The following PPP2R3A variants were observed in gnomAD, a reference collection of about 807,000 sequenced individuals.
PPP2R3A encodes protein phosphatase 2 regulatory subunit B''alpha.
In PPP2R3A, 80 loss-of-function variants were observed where a neutral mutation model predicts 106.9. That is an observed-to-expected ratio of 0.75 (90% CI 0.62 to 0.90). PPP2R3A has a LOEUF of 0.90. Ranked by LOEUF, PPP2R3A falls within the 40% of genes least tolerant of loss-of-function variation. The probability of loss-of-function intolerance (pLI) is 0.00; values close to 1 mark genes in which losing one functional copy is unlikely to be tolerated. For synonymous variants in PPP2R3A, 483 were observed against 468.3 expected (o/e 1.03, Z -0.41); for missense variants, 1,386 against 1,350.4 (o/e 1.03, Z -0.41).
chr3:136,114,642 C>G (rs537081961), intron 13 of PPP2R3A, among the ~76,000 whole-genome samples: 1 of 152,264 alleles, frequency 6.6e-6, no homozygotes, highest in African/African-American at 2.4e-5. Flanking sequence ...TGTGGTTTTA[C>G]CCTCACAGTG....
rs747647935 is a variant in PPP2R3A at position 136,082,364 on chromosome 3, G to A, written c.2731G>A (p.Asp911Asn). 1 of 1,613,352 alleles carries A rather than the reference G, an allele frequency of 6.2e-7. No homozygotes were observed. Among genetic ancestry groups the A allele is most frequent in the South Asian group, 1.1e-5 (1 of 91,064 alleles). The stretch of plus-strand genomic sequence containing the variant: ...TATTTATTGTAAATTCTGGGAACTA[G>A]ATACTGATCACGACCTCTACATCAG... ...YVIYCKFWEL[D>N]TDHDLYISQA... Residue 911 changes from aspartate to asparagine, a missense_variant, in exon 8 of 14, where the codon GAT becomes AAT. Transcript: ENST00000264977.
At chr3:135,981,509 C>T (rs1190010491) in intron 1 of PPP2R3A, among the ~76,000 whole-genome samples, 1 of 151,748 alleles carries the variant, frequency 6.6e-6, no homozygotes, top group Non-Finnish European at 1.5e-5. Context: ...TAGTCCAGGT[C>T]TTGGCCAAGG....
intron 1 of PPP2R3A, among the ~76,000 whole-genome samples, chr3:135,982,958 C>T (rs1230238300): frequency 6.6e-6 from 1 of 152,136 alleles, no homozygotes; most frequent in Non-Finnish European, 1.5e-5. Flanking sequence ...ATTTGTCTTA[C>T]AGACAGATGA....
At chr3:136,023,245 T>C (rs766091329) in intron 2 of PPP2R3A, 133 of 1,546,946 alleles carry the variant, frequency 8.6e-5, no homozygotes, top group Admixed American at 5.2e-4. Context: ...TTGTTTTGTT[T>C]TGAAAATATT....
At chr3:136,140,453 A>AAAACAAAAC (rs1553761398) in intron 13 of PPP2R3A, among the ~76,000 whole-genome samples, 1 of 149,762 alleles carries the variant, frequency 6.7e-6, no homozygotes, top group African/African-American at 2.5e-5. Context: ...AAAAAAAAAA[A>AAAACAAAAC]AAAAAAAAAA....
chr3:136,055,724 C>G (rs1056855919), intron 5 of PPP2R3A: 7 of 716,398 alleles, frequency 9.8e-6, no homozygotes, highest in Non-Finnish European at 1.5e-5. Context: ...AGAGAAATAC[C>G]ACTACTTGGG....
intron 2 of PPP2R3A, among the ~76,000 whole-genome samples, chr3:136,018,757 T>C (rs1385371535): frequency 6.6e-6 from 1 of 152,168 alleles, no homozygotes; most frequent in Admixed American, 6.5e-5. Context: ...AAAAAAAATA[T>C]TTAGTTTTTA....
At chr3:136,097,683 A>G (rs1937247680) in intron 10 of PPP2R3A, among the ~76,000 whole-genome samples, 1 of 152,216 alleles carries the variant, frequency 6.6e-6, no homozygotes, top group Non-Finnish European at 1.5e-5. Flanking sequence ...CTTGGTCAAA[A>G]TCAAGATTTA....
At chr3:135,986,388 T>A (rs997843421) in intron 1 of PPP2R3A, among the ~76,000 whole-genome samples, 4 of 152,154 alleles carry the variant, frequency 2.6e-5, no homozygotes, top group African/African-American at 9.7e-5. Context: ...CTTGCCTGGC[T>A]AACCCACAGA....
chr3:136,103,453 T>C (rs2107968878), intron 12 of PPP2R3A, 77 bp downstream of exon 12: 2 of 997,866 alleles, frequency 2.0e-6, no homozygotes. Context: ...ACATGGTCTC[T>C]GCATGCTGGA....
chr3:136,104,371 A>G (rs1011997569), intron 12 of PPP2R3A, among the ~76,000 whole-genome samples: 11 of 150,824 alleles, frequency 7.3e-5, no homozygotes, highest in African/African-American at 2.7e-4. Context: ...CAATGGTGTG[A>G]TCTCGGCTCA....
rs1241308285 is a variant in PPP2R3A at position 136,001,748 on chromosome 3, G to A, written c.250G>A (p.Gly84Arg). 3 of 1,614,004 alleles carry A rather than the reference G, an allele frequency of 1.9e-6. No individual in the cohort carries two copies. Among genetic ancestry groups the A allele is most frequent in the Non-Finnish European group, 2.5e-6 (3 of 1,180,036 alleles). ...TGAAAATGGGCTTTCTTCGGCTGAA[G>A]GAGACTATCCCCAACAGGCCTTCAC... ...PHENGLSSAE[G>R]DYPQQAFTGI... The change falls in exon 2 of 14, where the codon GGA becomes AGA. Residue 84 changes from glycine (G) to arginine (R), a missense_variant. Physicochemically the swap from Gly to Arg is moderately radical, Grantham distance 125. Transcript: ENST00000264977.
intron 2 of PPP2R3A, chr3:136,023,145 G>A: frequency 6.2e-7 from 1 of 1,613,552 alleles, no homozygotes; most frequent in Non-Finnish European, 8.5e-7. Flanking sequence ...AAGGGGCTGT[G>A]ATTTTGTTCT....
chr3:136,077,214 G>A (rs1479285707), intron 6 of PPP2R3A, among the ~76,000 whole-genome samples: 1 of 152,110 alleles, frequency 6.6e-6, no homozygotes, highest in African/African-American at 2.4e-5. Flanking sequence ...CAGGGGTGGG[G>A]TAGTGAGCGC....
At chr3:136,013,192 A>G (rs866553826) in intron 2 of PPP2R3A, among the ~76,000 whole-genome samples, 3,590 of 139,548 alleles carry the variant, frequency 0.026, 79 homozygotes, top group African/African-American at 0.065. Context: ...GTATGTATGT[A>G]TGTATGTATG....
chr3:135,999,457 A>G (rs372141990), intron 1 of PPP2R3A, among the ~76,000 whole-genome samples: 1 of 152,204 alleles, frequency 6.6e-6, no homozygotes, highest in South Asian at 2.1e-4. Context: ...CATCTAGTTA[A>G]CTGGGCATCA....
chr3:136,124,439 A>G (rs1194623355), intron 13 of PPP2R3A, among the ~76,000 whole-genome samples: 2 of 152,156 alleles, frequency 1.3e-5, no homozygotes, highest in Admixed American at 1.3e-4. Context: ...GCTACGATCC[A>G]CACCACTGCA....
chr3:136,010,400 G>A (rs1431650777), intron 2 of PPP2R3A, among the ~76,000 whole-genome samples: 1 of 139,500 alleles, frequency 7.2e-6, no homozygotes, highest in Admixed American at 7.3e-5. Flanking sequence ...ACAGGCGCAT[G>A]CCATCACGCT....
At chr3:135,967,991 A>G (rs1295817904) in intron 1 of PPP2R3A, among the ~76,000 whole-genome samples, 1 of 152,182 alleles carries the variant, frequency 6.6e-6, no homozygotes. Flanking sequence ...GACATCGCAA[A>G]TGTCCCCCAG....
Sources: allele counts gnomAD v4.1 joint callset (sites outside exome capture counted in the v4.1 genomes callset), GRCh38; gene constraint gnomAD v4.1.1; transcripts MANE v1.5; gene names NCBI Gene and HGNC (gene_info 2026-07-23, HGNC 2026-07-21).